STAG1: variants seen among roughly 807,000 people sequenced by gnomAD.
The protein encoded by STAG1 is cohesin subunit SA-1.
Under a neutral mutation model 170.9 loss-of-function variants are expected in STAG1, and 26 were observed. The ratio of observed to expected loss-of-function variants is 0.15; its 90% CI spans 0.11 to 0.21. STAG1 has a LOEUF of 0.21. Ranked by LOEUF, STAG1 falls within the 10% of genes least tolerant of loss-of-function variation. The pLI is 1.00. For synonymous variants in STAG1, 514 were observed against 497.7 expected (o/e 1.03, Z -0.44); for missense variants, 964 against 1,509.5 (o/e 0.64, Z 5.99).
At chr3:136,604,533 G>A in intron 3 of STAG1, 60 bp from the exon 4 acceptor site, 2 of 1,407,374 alleles carry the variant, frequency 1.4e-6, no homozygotes, top group Non-Finnish European at 1.9e-6. Flanking sequence ...TATATAAAAT[G>A]ATCACTACTA....
At chr3:136,722,827 G>A (rs528173077) in intron 1 of STAG1, among the ~76,000 whole-genome samples, 7 of 152,212 alleles carry the variant, frequency 4.6e-5, no homozygotes, top group Admixed American at 1.3e-4. Flanking sequence ...GAGTGCCTGC[G>A]ATTGCAGGCG....
chr3:136,602,034 A>T (rs1206677174), intron 4 of STAG1, among the ~76,000 whole-genome samples: 1 of 152,202 alleles, frequency 6.6e-6, no homozygotes, highest in African/African-American at 2.4e-5. Context: ...TACAATATGC[A>T]TGAAAATTAT....
chr3:136,751,393 A>G (rs1196570119), intron 1 of STAG1, among the ~76,000 whole-genome samples: 1 of 152,182 alleles, frequency 6.6e-6, no homozygotes, highest in East Asian at 1.9e-4. Context: ...GCTCAGGTCC[A>G]ACTCCAAGCA....
intron 7 of STAG1, among the ~76,000 whole-genome samples, chr3:136,517,254 AAAG>A (rs1355139827): frequency 1.6e-4 from 24 of 152,276 alleles, no homozygotes; most frequent in Non-Finnish European, 1.2e-4. Flanking sequence ...AGGAGGGAAA[AAAG>A]AGAATAGAAA....
intron 1 of STAG1, among the ~76,000 whole-genome samples, chr3:136,723,031 T>G (rs61790807): frequency 0.013 from 2,004 of 152,306 alleles, 27 homozygotes; most frequent in Middle Eastern, 0.031. Context: ...TGGCGTGATC[T>G]CCGCTCGCTA....
At chr3:136,541,168 T>C (rs1935883940) in intron 6 of STAG1, among the ~76,000 whole-genome samples, 1 of 152,026 alleles carries the variant, frequency 6.6e-6, no homozygotes, top group African/African-American at 2.4e-5. Context: ...AAATTAATAA[T>C]AATAAAACCC....
chr3:136,719,451 TAACTA>T (rs1437869764), intron 1 of STAG1, among the ~76,000 whole-genome samples: 3 of 151,968 alleles, frequency 2.0e-5, no homozygotes, highest in Non-Finnish European at 4.4e-5. Flanking sequence ...TTTTCCAAAT[TAACTA>T]AACATCACTG....
intron 23 of STAG1, among the ~76,000 whole-genome samples, chr3:136,374,172 T>G (rs1011300226): frequency 6.6e-6 from 1 of 152,140 alleles, no homozygotes; most frequent in Non-Finnish European, 1.5e-5. Context: ...ACCCCTGCCT[T>G]TTTTTGTTTT....
At chr3:136,456,076 G>A (rs969850209) in intron 13 of STAG1, among the ~76,000 whole-genome samples, 2 of 152,094 alleles carry the variant, frequency 1.3e-5, no homozygotes, top group African/African-American at 2.4e-5. Flanking sequence ...AAGTGGAAGC[G>A]GTAGCTATCT....
Position 136,363,463 on chromosome 3 carries a change from TA to T in STAG1, c.2689del (p.Tyr897ThrfsTer12). The T allele has an allele frequency of 6.9e-7, 1 of 1,448,948 alleles. No homozygotes were observed. 89.8% of individuals were successfully genotyped at this position (1,448,948 alleles called of 1,614,324 possible). A position where few individuals can be genotyped will look rare whatever the true frequency, so the allele number is the denominator to read the frequency against. ...ADIFKHYMKY[Y>X]NDYGDIIKET... ...CTTAATAATATCACCATAGTCATTG[TA>T]ATACTGTGAGGGAAAGAAAGAAAAC... On this transcript the variant is annotated frameshift_variant, in exon 26 of 34. Coordinates refer to ENST00000383202, the MANE Select transcript of STAG1 (RefSeq NM_005862.3). LOFTEE classifies it high-confidence loss of function.
chr3:136,476,227 T>C (rs1186539988), intron 10 of STAG1, among the ~76,000 whole-genome samples: 1 of 152,168 alleles, frequency 6.6e-6, no homozygotes, highest in Non-Finnish European at 1.5e-5. Context: ...CTTGTCTTGA[T>C]ATAATACACA....
intron 1 of STAG1, among the ~76,000 whole-genome samples, chr3:136,681,957 C>T (rs75880981): frequency 1.7e-3 from 263 of 152,120 alleles, no homozygotes; most frequent in Non-Finnish European, 2.4e-3. Flanking sequence ...CCTCTATGAC[C>T]TGAAAGAGGG....
At chr3:136,610,293 C>T (rs184730050) in intron 3 of STAG1, among the ~76,000 whole-genome samples, 1 of 152,140 alleles carries the variant, frequency 6.6e-6, no homozygotes, top group South Asian at 2.1e-4. Context: ...CCTCAGCCTT[C>T]CAAAGTGCTG....
At chr3:136,569,263 T>C (rs1937182747) in intron 4 of STAG1, among the ~76,000 whole-genome samples, 1 of 151,908 alleles carries the variant, frequency 6.6e-6, no homozygotes, top group Non-Finnish European at 1.5e-5. Flanking sequence ...ATGCAAATAA[T>C]AAGAGGCATT....
intron 6 of STAG1, among the ~76,000 whole-genome samples, chr3:136,522,898 T>C (rs1296551862): frequency 1.3e-5 from 2 of 152,186 alleles, no homozygotes; most frequent in Non-Finnish European, 2.9e-5. Context: ...GGACATGAAC[T>C]CATCATTTTT....
intron 6 of STAG1, among the ~76,000 whole-genome samples, chr3:136,526,761 T>C (rs1330189513): frequency 6.6e-6 from 1 of 152,230 alleles, no homozygotes; most frequent in Non-Finnish European, 1.5e-5. Flanking sequence ...TAGTGCTTCC[T>C]TCAGGAGCTC....
At chr3:136,487,074 C>CATG (rs1323829641) in intron 9 of STAG1, among the ~76,000 whole-genome samples, 1 of 143,478 alleles carries the variant, frequency 7.0e-6, no homozygotes, top group Non-Finnish European at 1.5e-5. Context: ...TACAGGTATG[C>CATG]ATGTGCCATG....
intron 7 of STAG1, among the ~76,000 whole-genome samples, chr3:136,512,850 T>C (rs957855289): frequency 7.2e-5 from 11 of 152,094 alleles, no homozygotes; most frequent in Non-Finnish European, 1.2e-4. Context: ...CCCTCTGCTA[T>C]TGAGCTTTTT....
intron 23 of STAG1, among the ~76,000 whole-genome samples, chr3:136,374,294 GA>G (rs1347419391): frequency 2.0e-5 from 3 of 146,980 alleles, no homozygotes; most frequent in South Asian, 2.2e-4. Flanking sequence ...AAAATAAATA[GA>G]AAAAAGCTTC....
Sources: allele counts gnomAD v4.1 joint callset (sites outside exome capture counted in the v4.1 genomes callset), GRCh38; gene constraint gnomAD v4.1.1; transcripts MANE v1.5; gene names NCBI Gene and HGNC (gene_info 2026-07-23, HGNC 2026-07-21).